NUP93: variants seen among roughly 807,000 people sequenced by gnomAD.
NUP93 encodes the protein nuclear pore complex protein Nup93.
NUP93 carries 55 observed loss-of-function variants against 107.8 expected under a neutral mutation model. That is an observed-to-expected ratio of 0.51 (90% CI 0.41 to 0.64). The LOEUF (loss-of-function observed/expected upper bound fraction) is 0.64, where lower values mean the gene tolerates loss of function less well. NUP93 is among the 30% of genes least tolerant of loss of function. The probability of loss-of-function intolerance (pLI) is 0.00; values close to 1 mark genes in which losing one functional copy is unlikely to be tolerated. For missense variants in NUP93, 937 were observed against 1,044.7 expected, an observed-to-expected ratio of 0.90 and a Z score of 1.42; for synonymous variants, 390 against 397.5, an observed-to-expected ratio of 0.98 and a Z score of 0.22.
intron 3 of NUP93, among the ~76,000 whole-genome samples, chr16:56,777,782 C>T (rs1489661702): frequency 6.6e-6 from 1 of 152,182 alleles, no homozygotes; most frequent in Non-Finnish European, 1.5e-5. Context: ...TGCCTCGGTA[C>T]ATTGGCCAAG....
At chr16:56,756,309 C>CG (rs1555490772) in intron 2 of NUP93, among the ~76,000 whole-genome samples, 25 of 91,166 alleles carry the variant, frequency 2.7e-4, no homozygotes, top group Non-Finnish European at 5.2e-4. Context: ...CCCCCCCCCC[C>CG]GACAGGCTCC....
intron 20 of NUP93, among the ~76,000 whole-genome samples, chr16:56,840,988 C>T (rs1325061199): frequency 6.9e-6 from 1 of 144,798 alleles, no homozygotes; most frequent in African/African-American, 2.6e-5. Flanking sequence ...TAGAGGGAGA[C>T]TTTGTCTCAA....
chr16:56,767,805 C>T (rs1962241427), intron 3 of NUP93, among the ~76,000 whole-genome samples: 1 of 152,178 alleles, frequency 6.6e-6, no homozygotes, highest in East Asian at 1.9e-4. Flanking sequence ...AGTTTATGGG[C>T]ATTTACAGGA....
chr16:56,761,979 A>AT (rs1567379355), intron 3 of NUP93, among the ~76,000 whole-genome samples: 1 of 152,172 alleles, frequency 6.6e-6, no homozygotes, highest in African/African-American at 2.4e-5. Context: ...TACTAGTAGA[A>AT]TTTTTTTAAT....
intron 5 of NUP93, among the ~76,000 whole-genome samples, chr16:56,815,868 G>GCTA (rs1202800112): frequency 4.3e-5 from 6 of 139,106 alleles, no homozygotes; most frequent in African/African-American, 1.5e-4. Context: ...TACTGCTACT[G>GCTA]CTGCTGCTGC....
intron 4 of NUP93, among the ~76,000 whole-genome samples, chr16:56,803,068 T>C (rs1963056049): frequency 6.6e-6 from 1 of 152,134 alleles, no homozygotes; most frequent in African/African-American, 2.4e-5. Flanking sequence ...TCAGTAACTT[T>C]GAGTAGCTTG....
rs1246313288 is a variant in NUP93 at position 56,823,984 on chromosome 16, G to C, written c.794+138G>C. The C allele has an allele frequency of 2.6e-6, 3 of 1,137,080 alleles. No homozygotes were observed. The East Asian group carries it at 7.7e-5, about 29-fold the overall frequency. 70.4% of individuals were successfully genotyped at this position (1,137,080 alleles called of 1,614,324 possible). ...ATTATGTTAAATTGAACAAGGTTCA[G>C]AGTTGTAATCCTGTTTCAGAAATCC... On this transcript the variant is annotated intron_variant, in intron 8 of 21. Coordinates refer to ENST00000308159, the MANE Select transcript of NUP93 (RefSeq NM_014669.5).
intron 3 of NUP93, among the ~76,000 whole-genome samples, chr16:56,773,246 G>C (rs1962354802): frequency 6.6e-6 from 1 of 152,240 alleles, no homozygotes; most frequent in Non-Finnish European, 1.5e-5. Flanking sequence ...TGCGTTTCTT[G>C]TGTTTCGGAA....
At chr16:56,804,965 T>G (rs1024839968) in intron 4 of NUP93, among the ~76,000 whole-genome samples, 2 of 152,054 alleles carry the variant, frequency 1.3e-5, no homozygotes, top group Non-Finnish European at 2.9e-5. Context: ...TTAAAATCAG[T>G]GAAATACGGT....
At chr16:56,743,959 T>C (rs536413920) in intron 1 of NUP93, among the ~76,000 whole-genome samples, 1 of 152,324 alleles carries the variant, frequency 6.6e-6, no homozygotes, top group East Asian at 1.9e-4. Flanking sequence ...CTGCCAGTGT[T>C]GCCTTGCCAA....
intron 1 of NUP93, among the ~76,000 whole-genome samples, chr16:56,740,544 G>A (rs544962063): frequency 0.064 from 6,622 of 103,734 alleles, no homozygotes; most frequent in East Asian, 0.17. Context: ...TTTCCAGACT[G>A]GGCAGCCAGG....
intron 3 of NUP93, among the ~76,000 whole-genome samples, chr16:56,787,105 A>AC (rs1567388060): frequency 6.6e-6 from 1 of 152,240 alleles, no homozygotes; most frequent in African/African-American, 2.4e-5. Flanking sequence ...AATACTGTTA[A>AC]CAAAGGAATA....
At chr16:56,746,665 G>A (rs1365470191) in intron 1 of NUP93, among the ~76,000 whole-genome samples, 1 of 152,158 alleles carries the variant, frequency 6.6e-6, no homozygotes, top group East Asian at 1.9e-4. Context: ...GTGTCCTTTT[G>A]ACAATTAACC....
chr16:56,750,617 A>C (rs1387658256), intron 2 of NUP93, among the ~76,000 whole-genome samples: 1 of 152,198 alleles, frequency 6.6e-6, no homozygotes, highest in Non-Finnish European at 1.5e-5. Context: ...ATATATAAAA[A>C]TGTAAATCGG....
chr16:56,764,219 G>A (rs1235897785), intron 3 of NUP93, among the ~76,000 whole-genome samples: 10 of 152,174 alleles, frequency 6.6e-5, no homozygotes, highest in South Asian at 6.2e-4. Flanking sequence ...GGCCGGATGC[G>A]GTGGCCCACA....
intron 10 of NUP93, among the ~76,000 whole-genome samples, chr16:56,830,906 T>C (rs2144629059): frequency 6.6e-6 from 1 of 152,276 alleles, no homozygotes; most frequent in East Asian, 1.9e-4. Flanking sequence ...CATGCATCTG[T>C]GTTTGGGAAT....
At chr16:56,835,252 T>C (rs1050244758) in intron 16 of NUP93, among the ~76,000 whole-genome samples, 1 of 152,242 alleles carries the variant, frequency 6.6e-6, no homozygotes, top group Non-Finnish European at 1.5e-5. Context: ...GGACTCACTA[T>C]GCCCATTGGT....
chr16:56,769,564 A>G lies in NUP93; in HGVS notation c.297+10909A>G, dbSNP rs188877451. 3.4e-4 allele frequency among the ~76,000 whole-genome samples: 52 copies of G among 152,042 alleles called. 1 individual carries two copies. Among genetic ancestry groups the G allele is most frequent in the Admixed American group, 2.7e-3 (41 of 15,250 alleles). ...TAATTTACTGTCTAAAGCTCAGCCT[A>G]TTATTTTTCAGGTTTGCTGCCCTAC... On this transcript the variant is annotated intron_variant, in intron 3 of 21. Coordinates refer to ENST00000308159, the MANE Select transcript of NUP93 (RefSeq NM_014669.5).
chr16:56,833,499 G>C, intron 13 of NUP93, 93 bp downstream of exon 13: 2 of 1,015,102 alleles, frequency 2.0e-6, no homozygotes, highest in African/African-American at 1.7e-5. Context: ...ATAAGGATTT[G>C]AGCAAAGGGT....
Sources: allele counts gnomAD v4.1 joint callset (sites outside exome capture counted in the v4.1 genomes callset), GRCh38; gene constraint gnomAD v4.1.1; transcripts MANE v1.5; gene names NCBI Gene and HGNC (gene_info 2026-07-23, HGNC 2026-07-21).